The following SPEF2 variants were observed in gnomAD, a reference collection of about 807,000 sequenced individuals.
The protein encoded by SPEF2 is sperm flagellar and cilia associated 2.
Under a neutral mutation model 224.6 loss-of-function variants are expected in SPEF2, and 187 were observed. The ratio of observed to expected loss-of-function variants is 0.83; its 90% confidence interval spans 0.74 to 0.94. The LOEUF (loss-of-function observed/expected upper bound fraction) is 0.94. Among genes scored for constraint, SPEF2 ranks in the 40% least tolerant of loss-of-function variants. The probability of loss-of-function intolerance (pLI) is 0.00; values close to 1 mark genes in which losing one functional copy is unlikely to be tolerated. For synonymous variants in SPEF2, 715 were observed against 707.3 expected (o/e 1.01, Z -0.17); for missense variants, 2,170 against 2,135.6 (o/e 1.02, Z -0.32).
intron 36 of SPEF2, among the ~76,000 whole-genome samples, chr5:35,812,321 C>T: frequency 6.6e-6 from 1 of 152,162 alleles, no homozygotes; most frequent in East Asian, 1.9e-4. Context: ...ATTGAAGTCC[C>T]AGGAAGCCTC....
At chr5:35,654,158 G>A (rs1340804743) in intron 6 of SPEF2, among the ~76,000 whole-genome samples, 3 of 151,768 alleles carry the variant, frequency 2.0e-5, no homozygotes, top group Admixed American at 2.0e-4. Flanking sequence ...TACTCAGGAG[G>A]CTGAGGCAGG....
intron 18 of SPEF2, among the ~76,000 whole-genome samples, chr5:35,707,535 A>G (rs1561233739): frequency 6.6e-6 from 1 of 152,334 alleles, no homozygotes; most frequent in East Asian, 1.9e-4. Context: ...AAGCACATGT[A>G]AAGAGAAATA....
intron 20 of SPEF2, among the ~76,000 whole-genome samples, chr5:35,721,459 T>C (rs1459548377): frequency 6.6e-6 from 1 of 152,194 alleles, no homozygotes; most frequent in African/African-American, 2.4e-5. Context: ...GTTAGTTCCA[T>C]ATGTGCCCAG....
chr5:35,652,412 A>G (rs1000859448), intron 6 of SPEF2, among the ~76,000 whole-genome samples: 1 of 152,178 alleles, frequency 6.6e-6, no homozygotes, highest in Non-Finnish European at 1.5e-5. Flanking sequence ...TAAAAGTGTT[A>G]CGCTACACAA....
intron 10 of SPEF2, chr5:35,670,447 G>GA (rs1270988943): frequency 1.1e-5 from 13 of 1,176,242 alleles, no homozygotes; most frequent in African/African-American, 6.4e-5. Context: ...GGAGTGGTCT[G>GA]AAAAAACATC....
chr5:35,691,297 T>A (rs1754444404), intron 11 of SPEF2, 41 bp downstream of exon 11: 1 of 1,493,820 alleles, frequency 6.7e-7, no homozygotes. Flanking sequence ...TTAGGTCCTA[T>A]TTACACTGAC....
chr5:35,654,521 T>G lies in SPEF2; in HGVS notation c.792-19T>G. ...CACATTATTATTTAAAAATCTAAAA[T>G]AAAAACTATTATTCTTAGTGCATCC... On this transcript the variant is annotated intron_variant, in intron 6 of 36. Coordinates refer to ENST00000356031, the MANE Select transcript of SPEF2 (RefSeq NM_024867.4). 6.6e-7 allele frequency: 1 copy of G among 1,524,396 alleles called. No individual in the cohort carries two copies. Among genetic ancestry groups the G allele is most frequent in the African/African-American group, 1.4e-5 (1 of 71,190 alleles). The allele number at this position is 1,524,396 out of a possible 1,614,324, so 94.4% of individuals were successfully genotyped here.
intron 11 of SPEF2, 28 bp from the exon 12 acceptor site, chr5:35,692,542 A>G (rs1376276143): frequency 7.2e-6 from 11 of 1,525,220 alleles, no homozygotes; most frequent in Non-Finnish European, 9.8e-6. Context: ...ATGAAAAGCT[A>G]TTTATAAAAT....
At chr5:35,723,759 A>G (rs10061088) in intron 20 of SPEF2, among the ~76,000 whole-genome samples, 8,077 of 152,248 alleles carry the variant, frequency 0.053, 410 homozygotes, top group African/African-American at 0.12. Context: ...ATGGGTTTAA[A>G]TTTTAACAGG....
intron 9 of SPEF2, among the ~76,000 whole-genome samples, chr5:35,669,380 G>A (rs1408717576): frequency 6.6e-6 from 1 of 151,914 alleles, no homozygotes; most frequent in African/African-American, 2.4e-5. Flanking sequence ...CATTCCTCAG[G>A]ACTCAGCTTA....
chr5:35,795,861 C>A, intron 33 of SPEF2, 66 bp downstream of exon 33: 1 of 1,396,244 alleles, frequency 7.2e-7, no homozygotes, highest in Non-Finnish European at 1.0e-6. Context: ...TGTTTTCTTC[C>A]ACTTATGTAA....
chr5:35,793,900 A>T (rs187582214), intron 32 of SPEF2, among the ~76,000 whole-genome samples: 1 of 152,372 alleles, frequency 6.6e-6, no homozygotes, highest in Non-Finnish European at 1.5e-5. Flanking sequence ...CCCATACAGA[A>T]GGGATCATGA....
chr5:35,775,411 A>T (rs1753470589), intron 28 of SPEF2, among the ~76,000 whole-genome samples: 1 of 152,124 alleles, frequency 6.6e-6, no homozygotes, highest in Non-Finnish European at 1.5e-5. Context: ...GAAGAGGAGT[A>T]TTACGTGCCA....
chr5:35,690,604 G>C (rs1364997643), intron 10 of SPEF2, among the ~76,000 whole-genome samples: 2 of 151,986 alleles, frequency 1.3e-5, no homozygotes, highest in African/African-American at 4.8e-5. Context: ...TGAATAAAGC[G>C]GGAGTTAAAC....
In SPEF2 at chr5:35,656,717, A is replaced by G. The variant is rs62354367; in HGVS notation, c.978+1991A>G. On this transcript the variant is annotated intron_variant, in intron 7 of 36. Coordinates refer to ENST00000356031, the MANE Select transcript of SPEF2 (RefSeq NM_024867.4). Reference sequence around the variant, plus strand: ...CTCACTTTCCACTAGGATGCTATTAACACTGACTTTTCAAAACTAGAGTTG... The same window carrying G: ...CTCACTTTCCACTAGGATGCTATTAGCACTGACTTTTCAAAACTAGAGTTG... Among the ~76,000 whole-genome samples the G allele has an allele frequency of 1.9e-3, 285 of 152,304 alleles. 1 individual carries two copies. Among genetic ancestry groups the G allele is most frequent in the Admixed American group, 3.1e-3 (47 of 15,304 alleles).
intron 30 of SPEF2, among the ~76,000 whole-genome samples, chr5:35,780,474 G>A (rs1387421197): frequency 6.6e-6 from 1 of 152,132 alleles, no homozygotes; most frequent in African/African-American, 2.4e-5. Context: ...CTTCAGCTGT[G>A]GAGGGACGGA....
intron 20 of SPEF2, among the ~76,000 whole-genome samples, chr5:35,721,950 C>G (rs1743764909): frequency 6.6e-6 from 1 of 152,140 alleles, no homozygotes; most frequent in South Asian, 2.1e-4. Context: ...ACAAGATTGG[C>G]CACAGCCCAA....
At chr5:35,744,917 TC>T (rs552429829) in intron 23 of SPEF2, among the ~76,000 whole-genome samples, 1 of 152,162 alleles carries the variant, frequency 6.6e-6, no homozygotes, top group African/African-American at 2.4e-5. Flanking sequence ...TCACAGACCC[TC>T]TGAAGGAGGC....
At chr5:35,761,857 G>A (rs936087574) in intron 25 of SPEF2, among the ~76,000 whole-genome samples, 10 of 152,090 alleles carry the variant, frequency 6.6e-5, no homozygotes, top group African/African-American at 2.4e-4. Flanking sequence ...AGAACATCCA[G>A]TTCTTATTTC....
Sources: gnomAD v4.1 joint callset for allele counts (sites outside exome capture counted in the v4.1 genomes callset) on GRCh38, gnomAD v4.1.1 for gene constraint, MANE v1.5 for transcripts, NCBI Gene and HGNC (gene_info 2026-07-23, HGNC 2026-07-21) for gene names.